Variants in GPC5 observed in about 807,000 individuals in gnomAD.
The protein encoded by GPC5 is glypican 5.
A neutral mutation model predicts 53.9 loss-of-function variants in GPC5; 47 were observed. The ratio of observed to expected loss-of-function variants is 0.87; its 90% CI spans 0.69 to 1.11. The LOEUF (loss-of-function observed/expected upper bound fraction) is 1.11. Among genes scored for constraint, GPC5 ranks in the 50% most tolerant of loss-of-function variants. GPC5 has a pLI of 0.00. For missense variants in GPC5, 748 were observed against 713.1 expected, an observed-to-expected ratio of 1.05 and a Z score of -0.56; for synonymous variants, 286 against 263.3, an observed-to-expected ratio of 1.09 and a Z score of -0.84.
At chr13:91,823,791 G>C (rs537685653) in intron 5 of GPC5, among the ~76,000 whole-genome samples, 26 of 152,148 alleles carry the variant, frequency 1.7e-4, no homozygotes, top group African/African-American at 6.3e-4. Context: ...ATATGTAACT[G>C]TATCTCCACC....
chr13:92,264,922 G>A (rs939027337), intron 7 of GPC5, among the ~76,000 whole-genome samples: 1 of 138,368 alleles, frequency 7.2e-6, no homozygotes, highest in African/African-American at 2.8e-5. Flanking sequence ...GTGTGTGTGT[G>A]TGTTGCAACT....
At chr13:92,326,170 T>G (rs2043249376) in intron 7 of GPC5, among the ~76,000 whole-genome samples, 1 of 152,038 alleles carries the variant, frequency 6.6e-6, no homozygotes, top group African/African-American at 2.4e-5. Context: ...TAAAGCTGTT[T>G]ATGAAAAGAA....
intron 2 of GPC5, among the ~76,000 whole-genome samples, chr13:91,514,999 T>C (rs1326559683): frequency 6.6e-6 from 1 of 152,254 alleles, no homozygotes; most frequent in Non-Finnish European, 1.5e-5. Flanking sequence ...GTGATATTAG[T>C]TGAAAATTAA....
At chr13:91,503,858 G>A (rs1034763989) in intron 2 of GPC5, among the ~76,000 whole-genome samples, 1 of 149,794 alleles carries the variant, frequency 6.7e-6, no homozygotes, top group Non-Finnish European at 1.5e-5. Flanking sequence ...GGCTTCCCAA[G>A]TACCATACTA....
chr13:91,880,716 G>C (rs188462657), intron 5 of GPC5, among the ~76,000 whole-genome samples: 15 of 152,152 alleles, frequency 9.9e-5, no homozygotes, highest in African/African-American at 3.6e-4. Context: ...TCCTTAAGTT[G>C]GGGAAAAAGT....
chr13:92,865,093 C>T (rs764787866), intron 7 of GPC5, among the ~76,000 whole-genome samples: 4 of 152,056 alleles, frequency 2.6e-5, no homozygotes, highest in Admixed American at 2.6e-4. Context: ...CTAGGTATAT[C>T]GTACTAAGGT....
At chr13:91,908,768 T>A (rs1594656599) in intron 6 of GPC5, among the ~76,000 whole-genome samples, 1 of 149,372 alleles carries the variant, frequency 6.7e-6, no homozygotes, top group African/African-American at 2.4e-5. Context: ...AGAAAGGCTA[T>A]TTTTTTTTTA....
chr13:92,713,922 A>ATC (rs1888238228), intron 7 of GPC5, among the ~76,000 whole-genome samples: 3 of 152,168 alleles, frequency 2.0e-5, no homozygotes, highest in Admixed American at 6.6e-5. Flanking sequence ...TAGCTGTAAC[A>ATC]GACTTTGTTC....
At chr13:92,121,591 A>G (rs1488060207) in intron 6 of GPC5, among the ~76,000 whole-genome samples, 1 of 152,158 alleles carries the variant, frequency 6.6e-6, no homozygotes, top group Non-Finnish European at 1.5e-5. Context: ...AATCTTCTTC[A>G]TTTCTGCTTC....
chr13:91,793,816 T>C (rs183236861), intron 5 of GPC5, among the ~76,000 whole-genome samples: 153 of 152,082 alleles, frequency 1.0e-3, no homozygotes, highest in African/African-American at 3.6e-3. Flanking sequence ...TATAAAACCA[T>C]CAGATTTTGT....
intron 2 of GPC5, among the ~76,000 whole-genome samples, chr13:91,578,159 C>T (rs1426184620): frequency 6.6e-6 from 1 of 152,194 alleles, no homozygotes; most frequent in Non-Finnish European, 1.5e-5. Context: ...AGGCCTTCTG[C>T]CAACAGCCAT....
intron 6 of GPC5, among the ~76,000 whole-genome samples, chr13:92,026,097 G>A (rs2040798622): frequency 6.6e-6 from 1 of 152,088 alleles, no homozygotes; most frequent in Admixed American, 6.6e-5. Context: ...AAGACAAGGG[G>A]ATCAAAGAAC....
chr13:92,185,061 A>G (rs1185092360), intron 7 of GPC5, among the ~76,000 whole-genome samples: 1 of 152,154 alleles, frequency 6.6e-6, no homozygotes, highest in African/African-American at 2.4e-5. Flanking sequence ...AATAGGACAG[A>G]ATGAGCCCAT....
At chr13:91,952,231 T>G (rs2040033647) in intron 6 of GPC5, among the ~76,000 whole-genome samples, 1 of 151,814 alleles carries the variant, frequency 6.6e-6, no homozygotes. Context: ...ATACTTGTGC[T>G]CCAGGCACTG....
intron 7 of GPC5, among the ~76,000 whole-genome samples, chr13:92,649,011 G>A (rs1487594550): frequency 1.3e-5 from 2 of 152,074 alleles, no homozygotes; most frequent in Non-Finnish European, 2.9e-5. Flanking sequence ...TTCTGCCTTC[G>A]TGTATAATAG....
chr13:92,697,702 G>T (rs566319056), intron 7 of GPC5, among the ~76,000 whole-genome samples: 2 of 152,206 alleles, frequency 1.3e-5, no homozygotes, highest in East Asian at 3.9e-4. Context: ...TCTCTTACCT[G>T]ATTGCCCTGG....
chr13:92,447,813 A>G (rs1001531091), intron 7 of GPC5: 6 of 152,174 alleles, frequency 3.9e-5, no homozygotes, highest in Non-Finnish European at 8.8e-5. Context: ...TAAGAGTGCT[A>G]TTGCATTTCC....
At chr13:91,935,747 T>G (rs1421051432) in intron 6 of GPC5, among the ~76,000 whole-genome samples, 2 of 152,018 alleles carry the variant, frequency 1.3e-5, no homozygotes, top group East Asian at 3.9e-4. Flanking sequence ...CTTTAGATGT[T>G]AAATTTGAAA....
chr13:92,069,513 C>A (rs919855127), intron 6 of GPC5, among the ~76,000 whole-genome samples: 2 of 150,188 alleles, frequency 1.3e-5, no homozygotes, highest in African/African-American at 4.9e-5. Flanking sequence ...ATGCTTTATA[C>A]CTCATGGCAT....
Sources: gnomAD v4.1 joint callset for allele counts (sites outside exome capture counted in the v4.1 genomes callset) on GRCh38, gnomAD v4.1.1 for gene constraint, MANE v1.5 for transcripts, NCBI Gene and HGNC (gene_info 2026-07-23, HGNC 2026-07-21) for gene names.